RABGAP1L: variants seen among roughly 807,000 people sequenced by gnomAD.
RABGAP1L encodes rab GTPase-activating protein 1-like.
A neutral mutation model predicts 137.7 loss-of-function variants in RABGAP1L; 63 were observed. The observed-to-expected ratio is 0.46, with a 90% CI of 0.37 to 0.56. The LOEUF (loss-of-function observed/expected upper bound fraction) is 0.56. Ranked by LOEUF, RABGAP1L falls within the 20% of genes least tolerant of loss-of-function variation. The pLI is 0.00. For synonymous variants in RABGAP1L, 431 were observed against 433.7 expected, an observed-to-expected ratio of 0.99 and a Z score of 0.08; for missense variants, 1,095 against 1,244.0, an observed-to-expected ratio of 0.88 and a Z score of 1.80.
At chr1:174,946,900 CAAAAA>C (rs1177949233) in intron 19 of RABGAP1L, among the ~76,000 whole-genome samples, 16 of 21,388 alleles carry the variant, frequency 7.5e-4, no homozygotes, top group Non-Finnish European at 1.1e-3. Context: ...GACTCCATCT[CAAAAA>C]AAAAAAAAAA....
intron 13 of RABGAP1L, among the ~76,000 whole-genome samples, chr1:174,439,050 C>CT (rs1260262575): frequency 1.8e-4 from 27 of 146,516 alleles, no homozygotes; most frequent in African/African-American, 4.7e-4. Context: ...TCTTGTATGG[C>CT]TTTTTTTTTT....
intron 17 of RABGAP1L, among the ~76,000 whole-genome samples, chr1:174,714,689 T>G (rs983604292): frequency 3.9e-5 from 6 of 152,180 alleles, no homozygotes; most frequent in Non-Finnish European, 7.4e-5. Context: ...CCAGGAGAAG[T>G]TGAGCAAGTA....
At chr1:174,273,426 A>G (rs895400794) in intron 8 of RABGAP1L, among the ~76,000 whole-genome samples, 15 of 152,068 alleles carry the variant, frequency 9.9e-5, no homozygotes, top group East Asian at 3.8e-4. Flanking sequence ...ACTTTTTAGT[A>G]TCTGGTGGTA....
intron 13 of RABGAP1L, among the ~76,000 whole-genome samples, chr1:174,474,221 G>T (rs1370810801): frequency 1.3e-5 from 2 of 151,992 alleles, no homozygotes; most frequent in African/African-American, 4.8e-5. Context: ...GTATCATTTT[G>T]CATTCTTGAT....
intron 19 of RABGAP1L, among the ~76,000 whole-genome samples, chr1:174,886,436 C>T (rs972792575): frequency 1.3e-5 from 2 of 152,226 alleles, no homozygotes; most frequent in Non-Finnish European, 2.9e-5. Context: ...GCAAACAAAA[C>T]AGTGTAGCCC....
chr1:174,250,515 G>C lies in RABGAP1L; in HGVS notation c.758G>C (p.Arg253Pro), dbSNP rs377226119. The change falls in exon 6 of 26, where the codon CGT becomes CCT. Residue 253 changes from arginine (R) to proline (P), a missense_variant. Transcript: ENST00000681986. ...ILYSFCTAFK[R>P]SSRQVSDVKD... is the part of the protein sequence containing the mutation. Reference sequence around the variant, plus strand: ...TACAGTTTCTGTACAGCATTCAAACGTTCTTCCAGACAAGTGTCTGATGTT... The same window carrying C: ...TACAGTTTCTGTACAGCATTCAAACCTTCTTCCAGACAAGTGTCTGATGTT... 2 of 1,613,266 alleles carry C rather than the reference G, an allele frequency of 1.2e-6. No individual in the cohort carries two copies. The highest frequency in any genetic ancestry group is 1.7e-6 in the Non-Finnish European group (2 of 1,179,508).
At chr1:174,430,008 A>T (rs534167833) in intron 13 of RABGAP1L, among the ~76,000 whole-genome samples, 3 of 152,306 alleles carry the variant, frequency 2.0e-5, no homozygotes, top group Admixed American at 6.5e-5. Context: ...ATTTTTTGAT[A>T]CAAAGCATGT....
intron 16 of RABGAP1L, among the ~76,000 whole-genome samples, chr1:174,700,066 A>T (rs1679534760): frequency 6.6e-6 from 1 of 152,236 alleles, no homozygotes; most frequent in Non-Finnish European, 1.5e-5. Flanking sequence ...TCATAAGAGA[A>T]TAAAACATAC....
At chr1:174,178,809 A>G (rs541188653) in intron 1 of RABGAP1L, among the ~76,000 whole-genome samples, 1 of 152,314 alleles carries the variant, frequency 6.6e-6, no homozygotes, top group East Asian at 1.9e-4. Flanking sequence ...AGGCAGGGGA[A>G]CATCACATAC....
At chr1:174,551,155 G>A (rs945414331) in intron 13 of RABGAP1L, among the ~76,000 whole-genome samples, 4 of 150,072 alleles carry the variant, frequency 2.7e-5, no homozygotes, top group South Asian at 2.1e-4. Flanking sequence ...GTTGCAGTGA[G>A]CTGAGATCGC....
chr1:174,827,025 T>C (rs1691631334), intron 19 of RABGAP1L, among the ~76,000 whole-genome samples: 1 of 152,200 alleles, frequency 6.6e-6, no homozygotes, highest in African/African-American at 2.4e-5. Flanking sequence ...GCAGGGTTGA[T>C]TTCTTTTGAG....
chr1:174,573,656 T>C (rs946231609), intron 13 of RABGAP1L, among the ~76,000 whole-genome samples: 2 of 152,188 alleles, frequency 1.3e-5, no homozygotes, highest in African/African-American at 2.4e-5. Flanking sequence ...TTTTTTTCTT[T>C]CTGCTTCTGA....
At chr1:174,955,291 G>A (rs1391738343) in intron 19 of RABGAP1L, among the ~76,000 whole-genome samples, 2 of 152,230 alleles carry the variant, frequency 1.3e-5, no homozygotes, top group African/African-American at 4.8e-5. Flanking sequence ...TAATGTGGTT[G>A]TTGACTGGTT....
intron 14 of RABGAP1L, among the ~76,000 whole-genome samples, chr1:174,637,940 C>T (rs1272847814): frequency 6.6e-6 from 1 of 152,074 alleles, no homozygotes; most frequent in East Asian, 1.9e-4. Context: ...TATTTTTGTA[C>T]GGTTTTTATA....
chr1:174,882,799 A>AGT (rs1654450684), intron 19 of RABGAP1L, among the ~76,000 whole-genome samples: 1 of 152,202 alleles, frequency 6.6e-6, no homozygotes, highest in African/African-American at 2.4e-5. Context: ...ACCTAAACAA[A>AGT]AGCCTAGTCA....
chr1:174,380,113 C>A (rs1457958775), intron 12 of RABGAP1L, among the ~76,000 whole-genome samples: 5 of 150,940 alleles, frequency 3.3e-5, no homozygotes, highest in African/African-American at 1.2e-4. Context: ...TATATTGAAC[C>A]AGCCTTGCAT....
chr1:174,601,537 C>T (rs1208356379), intron 13 of RABGAP1L, among the ~76,000 whole-genome samples: 1 of 152,016 alleles, frequency 6.6e-6, no homozygotes, highest in East Asian at 1.9e-4. Context: ...AGGAGAAATA[C>T]CTAATGTAAA....
chr1:174,378,070 A>G (rs1685732839), intron 12 of RABGAP1L, among the ~76,000 whole-genome samples: 1 of 146,398 alleles, frequency 6.8e-6, no homozygotes, highest in Non-Finnish European at 1.5e-5. Flanking sequence ...TTTACTGAGA[A>G]TGATGATTTC....
intron 18 of RABGAP1L, among the ~76,000 whole-genome samples, chr1:174,795,085 A>G (rs1372354939): frequency 6.6e-6 from 1 of 152,170 alleles, no homozygotes; most frequent in Non-Finnish European, 1.5e-5. Flanking sequence ...CCAGTACTCC[A>G]GAGAATGACA....
Sources: gnomAD v4.1 joint callset for allele counts (sites outside exome capture counted in the v4.1 genomes callset) on GRCh38, gnomAD v4.1.1 for gene constraint, MANE v1.5 for transcripts, NCBI Gene and HGNC (gene_info 2026-07-23, HGNC 2026-07-21) for gene names.